The following NRL variants were observed in gnomAD, a reference collection of about 807,000 sequenced individuals.
The protein encoded by NRL is neural retina-specific leucine zipper protein.
In NRL, 16 loss-of-function variants were observed where a neutral mutation model predicts 12.5. The observed-to-expected ratio is 1.28, with a 90% CI of 0.87 to 1.95. The LOEUF is 1.95. Ranked by LOEUF, NRL falls within the 30% of genes most tolerant of loss-of-function variation. The pLI, the probability that NRL is intolerant of heterozygous loss-of-function variation, is 0.00. For synonymous variants in NRL, 142 were observed against 150.9 expected (o/e 0.94, Z 0.43); for missense variants, 314 against 325.8 (o/e 0.96, Z 0.28).
chr14:24,098,224 C>A, intron 1 of NRL: 1 of 1,612,650 alleles, frequency 6.2e-7, no homozygotes, highest in Non-Finnish European at 8.5e-7. Flanking sequence ...GCACAGACCC[C>A]AAGGATGTGG....
chr14:24,102,771 C>T, intron 1 of NRL: 1 of 1,613,832 alleles, frequency 6.2e-7, no homozygotes, highest in Non-Finnish European at 8.5e-7. Flanking sequence ...GAGCCCTGTG[C>T]ACATCCCAAC....
At position 24,106,216 on chromosome 14, in the gene NRL, T is replaced by A. The variant is rs1354826095; in HGVS notation, c.-28+8506A>T. Among the ~76,000 whole-genome samples the A allele has an allele frequency of 3.3e-5, 5 of 152,192 alleles. No homozygotes were observed. The East Asian group carries it at 9.6e-4, about 29-fold the overall frequency. On this transcript the variant is annotated intron_variant, in intron 1 of 2. Transcript: ENST00000561028. The stretch of plus-strand genomic sequence containing the variant: ...TGCAATCTGGATCAGGCTGAGAGAA[T>A]GTATAACCTAAGGTGGGTAGTGTGG...
rs1339532661 is a variant in NRL, at chr14:24,081,405, T to C, written c.545A>G (p.Gln182Arg). Residue 182 changes from glutamine (Q) to arginine (R), a missense_variant, in exon 3 of 3, where the codon CAG becomes CGG. Gln to Arg is a conservative substitution (Grantham distance 43). Transcript: ENST00000561028. This position sits in a 1 kb window ranked among gnomAD's most constrained non-coding sequence, Gnocchi z 4.4. ...YAQACRSKRL[Q>R]QRRGLEAERA... ...CTCGGCCTCCAGCCCGCGCCGCTGCTGCAGCCGCTTGGAGCGACAGGCCTG... is the reference window on the plus strand; with the variant it reads ...CTCGGCCTCCAGCCCGCGCCGCTGCCGCAGCCGCTTGGAGCGACAGGCCTG... 1 of 1,499,930 alleles carries C rather than the reference T, an allele frequency of 6.7e-7. No homozygotes were observed. Among genetic ancestry groups the C allele is most frequent in the African/African-American group, 1.5e-5 (1 of 68,448 alleles). The allele number at this position is 1,499,930 out of a possible 1,614,324, so 92.9% of individuals were successfully genotyped here. A position where few individuals can be genotyped will look rare whatever the true frequency, so the allele number is the denominator to read the frequency against.
At chr14:24,084,620 C>T in intron 1 of NRL, 1 of 985,450 alleles carries the variant, frequency 1.0e-6, no homozygotes, top group Non-Finnish European at 1.2e-6. Context: ...TGCCTCTGCT[C>T]AGCTCCAGGG....
At position 24,081,590 on chromosome 14, in the gene NRL, A is replaced by ACCGGGTCAGCG; in HGVS notation, c.382-33_382-23dup. On this transcript the variant is annotated intron_variant, in intron 2 of 2. Coordinates refer to ENST00000561028, the MANE Select transcript of NRL (RefSeq NM_001354768.3). This position sits in a 1 kb window ranked among gnomAD's most constrained non-coding sequence, Gnocchi z 4.4. ...CCAGCTGCGGAGGGAGAATGCAGAA[A>ACCGGGTCAGCG]CCGGGTCAGCGCCAGGTCGCACCCG... 1 of 1,573,996 alleles carries ACCGGGTCAGCG rather than the reference A, an allele frequency of 6.4e-7. No homozygotes were observed. Among genetic ancestry groups the ACCGGGTCAGCG allele is most frequent in the South Asian group, 1.2e-5 (1 of 85,996 alleles).
At chr14:24,097,727 G>A (rs1209535034) in intron 1 of NRL, among the ~76,000 whole-genome samples, 1 of 151,914 alleles carries the variant, frequency 6.6e-6, no homozygotes, top group Non-Finnish European at 1.5e-5. Context: ...CGGAGTAGCT[G>A]GGATTACAAG....
Position 24,082,018 on chromosome 14 carries a change from T to TG in NRL, c.381+449dup, listed in dbSNP as rs2036326715. 1.0e-5 allele frequency: 12 copies of TG among 1,201,254 alleles called. No individual in the cohort carries two copies. In the Admixed American group the frequency reaches 5.0e-4, roughly 50 times the overall value. The allele number at this position is 1,201,254 out of a possible 1,614,324, so 74.4% of individuals were successfully genotyped here. ...TCCTAATGCCCGCAACACCCCCATC[T>TG]GTGTCTGTAATTAATAGGATGAGTC... On this transcript the variant is annotated intron_variant, in intron 2 of 2. Coordinates refer to ENST00000561028, the MANE Select transcript of NRL (RefSeq NM_001354768.3).
chr14:24,089,145 C>T (rs561011539), intron 1 of NRL, among the ~76,000 whole-genome samples: 1 of 152,034 alleles, frequency 6.6e-6, no homozygotes, highest in Non-Finnish European at 1.5e-5. Flanking sequence ...TCATGTTGGC[C>T]AGGCTGGTCT....
Position 24,080,572 on chromosome 14 carries a change from G to A in NRL, c.*664C>T, listed in dbSNP as rs1482149262. ...AGGAAGCAACTGATTTGCTCAGGGT[G>A]ACAGGGGGATCCCATGGAAGAGCTG... On this transcript the variant is annotated 3_prime_UTR_variant, in exon 3 of 3. Coordinates refer to ENST00000561028, the MANE Select transcript of NRL (RefSeq NM_001354768.3). 3 of 152,654 alleles carry A rather than the reference G, an allele frequency of 2.0e-5. No homozygotes were observed. The highest frequency in any genetic ancestry group is 7.2e-5 in the African/African-American group (3 of 41,428). The allele number at this position is 152,654 out of a possible 1,614,324, so 9.5% of individuals were successfully genotyped here. A position where few individuals can be genotyped will look rare whatever the true frequency, so the allele number is the denominator to read the frequency against.
intron 1 of NRL, chr14:24,099,125 C>A: frequency 1.2e-6 from 2 of 1,612,198 alleles, no homozygotes; most frequent in Non-Finnish European, 1.7e-6. Flanking sequence ...GGGAGATCAT[C>A]TCCTTCGGCA....
chr14:24,095,231 T>C (rs766951847), intron 1 of NRL: 2 of 455,910 alleles, frequency 4.4e-6, no homozygotes. Context: ...GAAGGAAACG[T>C]CCCACTTAGA....
chr14:24,107,100 C>A (rs2037351162), intron 1 of NRL, among the ~76,000 whole-genome samples: 1 of 152,016 alleles, frequency 6.6e-6, no homozygotes, highest in Non-Finnish European at 1.5e-5. Context: ...GGAACATGAG[C>A]AATGTAAATA....
Position 24,081,569 on chromosome 14 carries a change from C to T in NRL, c.382-1G>A. The T allele has an allele frequency of 6.3e-7, 1 of 1,593,208 alleles. No homozygotes were observed. On this transcript the variant is annotated splice_acceptor_variant, in intron 2 of 2. Transcript: ENST00000561028. LOFTEE classifies it high-confidence loss of function. This position sits in a 1 kb window ranked among gnomAD's most constrained non-coding sequence, Gnocchi z 4.4. ...CCGCGTCGGAAAACCGCTCTGCCAG[C>T]TGCGGAGGGAGAATGCAGAAACCGG...
chr14:24,096,228 C>CTTTT (rs34592767), intron 1 of NRL, among the ~76,000 whole-genome samples: 6 of 58,878 alleles, frequency 1.0e-4, no homozygotes, highest in South Asian at 1.0e-3. Context: ...CTACTCATTT[C>CTTTT]TTTTTTTTTT....
At position 24,079,705 on chromosome 14, in the gene NRL, A is replaced by G. The variant is rs1246135367; in HGVS notation, c.*1531T>C. ...ATGGGAGCCTCTTCCCCCATGCCCG[A>G]AAGCTTCTCCCATTTATTATGTCCG... On this transcript the variant is annotated 3_prime_UTR_variant, in exon 3 of 3. Transcript: ENST00000561028. Among the ~76,000 whole-genome samples, 1 of 152,162 alleles carries G rather than the reference A, an allele frequency of 6.6e-6. No individual in the cohort carries two copies. The highest frequency in any genetic ancestry group is 1.5e-5 in the Non-Finnish European group (1 of 68,026).
chr14:24,095,005 G>A, intron 1 of NRL: 1 of 494,638 alleles, frequency 2.0e-6, no homozygotes, highest in Non-Finnish European at 3.7e-6. Context: ...AAGCAAGGTG[G>A]GAGGAGGGCG....
intron 1 of NRL, among the ~76,000 whole-genome samples, chr14:24,086,306 C>G (rs1045397249): frequency 5.9e-5 from 9 of 152,212 alleles, no homozygotes; most frequent in Non-Finnish European, 1.2e-4. Flanking sequence ...GTATATATGT[C>G]TGTCTGTGCA....
rs145668152 is a variant in NRL at position 24,085,154 on chromosome 14, C to T, written c.-27-2279G>A. ...GGTCTTATGCCCCTCATAGCCGTCG[C>T]ATCAGAAAGGAAAGCAACTTTTCCC... is the stretch of plus-strand genomic sequence containing the variant. On this transcript the variant is annotated intron_variant, in intron 1 of 2. Coordinates refer to ENST00000561028, the MANE Select transcript of NRL (RefSeq NM_001354768.3). The surrounding 1 kb of genome is among the most constrained non-coding windows in gnomAD (Gnocchi z 4.1). 3.5e-4 allele frequency among the ~76,000 whole-genome samples: 54 copies of T among 152,318 alleles called. No homozygotes were observed. The highest frequency in any genetic ancestry group is 1.3e-3 in the African/African-American group (54 of 41,564).
chr14:24,103,501 C>A, intron 1 of NRL: 1 of 1,532,310 alleles, frequency 6.5e-7, no homozygotes, highest in Non-Finnish European at 8.8e-7. Context: ...CATCTTGCTT[C>A]CCCCCCAGGG....
Sources: gnomAD v4.1 joint callset for allele counts (sites outside exome capture counted in the v4.1 genomes callset) on GRCh38, gnomAD v4.1.1 for gene constraint, Gnocchi (gnomAD v3.1) non-coding constraint, MANE v1.5 for transcripts, NCBI Gene and HGNC (gene_info 2026-07-23, HGNC 2026-07-21) for gene names.